GRID2IP: variants seen among roughly 807,000 people sequenced by gnomAD.
The protein encoded by GRID2IP is Grid2 interacting protein, also known as delphilin.
Under a neutral mutation model 114.3 loss-of-function variants are expected in GRID2IP, and 78 were observed. The observed-to-expected ratio is 0.68, with a 90% CI of 0.57 to 0.82. The LOEUF is 0.82. GRID2IP is among the 40% of genes least tolerant of loss of function. GRID2IP has a pLI of 0.00. For synonymous variants in GRID2IP, 809 were observed against 724.0 expected (o/e 1.12, Z -1.89); for missense variants, 1,727 against 1,678.5 (o/e 1.03, Z -0.51).
At chr7:6,525,782 C>T (rs1779498468) in intron 4 of GRID2IP, among the ~76,000 whole-genome samples, 1 of 152,184 alleles carries the variant, frequency 6.6e-6, no homozygotes, top group South Asian at 2.1e-4. Context: ...TGAGTCTGGC[C>T]TGCCAGGCAA....
chr7:6,529,518 G>A (rs1294873322), intron 2 of GRID2IP, among the ~76,000 whole-genome samples: 2 of 152,248 alleles, frequency 1.3e-5, no homozygotes, highest in African/African-American at 4.8e-5. Flanking sequence ...GATGGAAGAA[G>A]GTTGGGCAGC....
chr7:6,503,474 G>C lies in GRID2IP; in HGVS notation c.2907+17C>G. 1 of 1,513,488 alleles carries C rather than the reference G, an allele frequency of 6.6e-7. No homozygotes were observed. Among genetic ancestry groups the C allele is most frequent in the Admixed American group, 2.1e-5 (1 of 48,052 alleles). 93.8% of individuals were successfully genotyped at this position (1,513,488 alleles called of 1,614,324 possible). ...GGAGCCGGCCGAGGCCTCGGGGCGG[G>C]GTTGTGGTCGCGGCACCTGCAGGAC... On this transcript the variant is annotated intron_variant, in intron 16 of 21. Coordinates refer to ENST00000457091, the MANE Select transcript of GRID2IP (RefSeq NM_001145118.2).
At chr7:6,497,929 GC>G in intron 21 of GRID2IP, 84 bp from the exon 22 acceptor site, 1 of 1,400,852 alleles carries the variant, frequency 7.1e-7, no homozygotes, top group Non-Finnish European at 9.7e-7. Context: ...ACACTAGACA[GC>G]CCATCAGGGG....
chr7:6,519,672 G>A lies in GRID2IP; in HGVS notation c.1268+906C>T, dbSNP rs1205639063. 6.6e-6 allele frequency among the ~76,000 whole-genome samples: 1 copy of A among 151,444 alleles called. No homozygotes were observed. Among genetic ancestry groups the A allele is most frequent in the African/African-American group, 2.4e-5 (1 of 41,204 alleles). ...CTTGGGAGGCTGAGGCAGGAGAATCGCTTGAGTCCGGGAGGTGGGGGTTGC... is the reference window on the plus strand; with the variant it reads ...CTTGGGAGGCTGAGGCAGGAGAATCACTTGAGTCCGGGAGGTGGGGGTTGC... On this transcript the variant is annotated intron_variant, in intron 7 of 21. Coordinates refer to ENST00000457091, the MANE Select transcript of GRID2IP (RefSeq NM_001145118.2). This position sits in a 1 kb window ranked among gnomAD's most constrained non-coding sequence, Gnocchi z 4.1.
chr7:6,520,357 C>T lies in GRID2IP; in HGVS notation c.1268+221G>A, dbSNP rs1273044065. 1.3e-5 allele frequency among the ~76,000 whole-genome samples: 2 copies of T among 152,110 alleles called. No homozygotes were observed. The highest frequency in any genetic ancestry group is 2.9e-5 in the Non-Finnish European group (2 of 68,012). ...TCACTTCACAGAGAAGGCTGAGACT[C>T]GCCCAAGGTCACGTGACTAGGAGGT... is the stretch of plus-strand genomic sequence containing the variant. On this transcript the variant is annotated intron_variant, in intron 7 of 21. Transcript: ENST00000457091. This position sits in a 1 kb window ranked among gnomAD's most constrained non-coding sequence, Gnocchi z 4.6.
chr7:6,543,953 C>T (rs578057182), intron 1 of GRID2IP, among the ~76,000 whole-genome samples: 47 of 152,076 alleles, frequency 3.1e-4, no homozygotes, highest in African/African-American at 9.2e-4. Context: ...AATGCCACCA[C>T]GCCCGGCTCA....
chr7:6,508,919 G>T lies in GRID2IP; in HGVS notation c.2127+39C>A. ...GTTGCCTTGCAGACCGCCACACCTC[G>T]CCTCACCCGCCTCCCTCCACACCTG... On this transcript the variant is annotated intron_variant, in intron 12 of 21. Transcript: ENST00000457091. The surrounding 1 kb of genome is among the most constrained non-coding windows in gnomAD (Gnocchi z 5.6). The T allele has an allele frequency of 1.3e-6, 2 of 1,525,308 alleles. No homozygotes were observed. The highest frequency in any genetic ancestry group is 1.8e-6 in the Non-Finnish European group (2 of 1,139,514). The allele number at this position is 1,525,308 out of a possible 1,614,324, so 94.5% of individuals were successfully genotyped here.
intron 1 of GRID2IP, among the ~76,000 whole-genome samples, chr7:6,548,732 C>T (rs1238890837): frequency 5.3e-5 from 8 of 151,506 alleles, no homozygotes; most frequent in Admixed American, 4.0e-4. Flanking sequence ...ATCCCAGCTA[C>T]GCGGGAGGCT....
At chr7:6,497,929 G>T in intron 21 of GRID2IP, 84 bp from the exon 22 acceptor site, 1 of 1,400,850 alleles carries the variant, frequency 7.1e-7, no homozygotes, top group Non-Finnish European at 9.7e-7. Context: ...ACACTAGACA[G>T]CCCATCAGGG....
intron 1 of GRID2IP, among the ~76,000 whole-genome samples, chr7:6,545,228 A>C (rs983150734): frequency 1.3e-5 from 2 of 152,060 alleles, no homozygotes; most frequent in Non-Finnish European, 2.9e-5. Context: ...GCAGTAAGCC[A>C]TGATCACACC....
rs1347961107 is a variant in GRID2IP at position 6,528,993 on chromosome 7, A to G, written c.585-2224T>C. Among the ~76,000 whole-genome samples the G allele has an allele frequency of 9.2e-5, 14 of 152,018 alleles. No homozygotes were observed. The highest frequency in any genetic ancestry group is 2.9e-5 in the Non-Finnish European group (2 of 67,992). ...TAGCGCCTCCCAGACCTCAAGCCTC[A>G]TGTCCAGGCAAAGGAGAGAAGACAC... On this transcript the variant is annotated intron_variant, in intron 2 of 21. Transcript: ENST00000457091. This position sits in a 1 kb window ranked among gnomAD's most constrained non-coding sequence, Gnocchi z 6.0.
chr7:6,550,932 G>A, intron 1 of GRID2IP, 76 bp downstream of exon 1: 1 of 1,191,846 alleles, frequency 8.4e-7, no homozygotes. Flanking sequence ...CCCTGGGAGA[G>A]CGGCGCCCGG....
intron 7 of GRID2IP, among the ~76,000 whole-genome samples, chr7:6,514,758 C>G (rs1779260198): frequency 6.6e-6 from 1 of 151,534 alleles, no homozygotes; most frequent in African/African-American, 2.4e-5. Context: ...TCGAGACCAG[C>G]CCAGCCAACA....
Position 6,532,976 on chromosome 7 carries a change from C to T in GRID2IP, c.585-6207G>A, listed in dbSNP as rs561152032. The stretch of plus-strand genomic sequence containing the variant: ...TGATCACCAGGGGACAGGCAACAGC[C>T]GGACTTCCCTGAAGTGTCTGCTCCA... On this transcript the variant is annotated intron_variant, in intron 2 of 21. Coordinates refer to ENST00000457091, the MANE Select transcript of GRID2IP (RefSeq NM_001145118.2). This position sits in a 1 kb window ranked among gnomAD's most constrained non-coding sequence, Gnocchi z 4.4. Among the ~76,000 whole-genome samples the T allele has an allele frequency of 1.2e-4, 18 of 152,324 alleles. No individual in the cohort carries two copies. Among genetic ancestry groups the T allele is most frequent in the African/African-American group, 3.6e-4 (15 of 41,570 alleles).
At chr7:6,540,510 AT>A (rs1779798940) in intron 1 of GRID2IP, among the ~76,000 whole-genome samples, 2 of 150,874 alleles carry the variant, frequency 1.3e-5, no homozygotes, top group African/African-American at 4.9e-5. Context: ...TTAATTTTTA[AT>A]TTATTGTTAT....
In GRID2IP at chr7:6,506,607, G is replaced by A. The variant is rs943468653; in HGVS notation, c.2545-700C>T. 7.2e-5 allele frequency among the ~76,000 whole-genome samples: 11 copies of A among 152,036 alleles called. No individual in the cohort carries two copies. Among genetic ancestry groups the A allele is most frequent in the Admixed American group, 2.0e-4 (3 of 15,252 alleles). Reference sequence around the variant, plus strand: ...CGCTGTGGAGCAATACTTGAAGATCGGTCCAAGGCTGGCAGGAGTGAGGTC... The same window carrying A: ...CGCTGTGGAGCAATACTTGAAGATCAGTCCAAGGCTGGCAGGAGTGAGGTC... On this transcript the variant is annotated intron_variant, in intron 13 of 21. Coordinates refer to ENST00000457091, the MANE Select transcript of GRID2IP (RefSeq NM_001145118.2). This position sits in a 1 kb window ranked among gnomAD's most constrained non-coding sequence, Gnocchi z 5.2.
chr7:6,545,100 GA>G (rs1779867749), intron 1 of GRID2IP, among the ~76,000 whole-genome samples: 1 of 151,732 alleles, frequency 6.6e-6, no homozygotes. Context: ...AGAAAAAAAA[GA>G]AAGAAAAGAA....
Position 6,508,078 on chromosome 7 carries a change from GC to G in GRID2IP, c.2450del (p.Gly817AlafsTer12). The G allele has an allele frequency of 1.5e-6, 2 of 1,314,466 alleles. No individual in the cohort carries two copies. The allele number at this position is 1,314,466 out of a possible 1,614,324, so 81.4% of individuals were successfully genotyped here. A position where few individuals can be genotyped will look rare whatever the true frequency, so the allele number is the denominator to read the frequency against. Reference sequence around the variant, plus strand: ...TGGTCTCACTGCGCCGGTGGCCCAGGCCCCGGGACAGCATGGGGGGTGCACA... The same window carrying G: ...TGGTCTCACTGCGCCGGTGGCCCAGGCCCGGGACAGCATGGGGGGTGCACA... ...VPCAPPMLSR[G>X]LGHRRSETSH... On this transcript the variant is annotated frameshift_variant, in exon 13 of 22. Transcript: ENST00000457091. LOFTEE classifies it high-confidence loss of function. This position sits in a 1 kb window ranked among gnomAD's most constrained non-coding sequence, Gnocchi z 5.6.
At chr7:6,550,985 C>CAA in intron 1 of GRID2IP, 23 bp downstream of exon 1, 2 of 1,201,054 alleles carry the variant, frequency 1.7e-6, no homozygotes, top group Non-Finnish European at 2.1e-6. Flanking sequence ...TTCCCGCCCC[C>CAA]ACCTCCCACC....
Sources: allele counts gnomAD v4.1 joint callset (sites outside exome capture counted in the v4.1 genomes callset), GRCh38; gene constraint gnomAD v4.1.1; non-coding constraint Gnocchi (gnomAD v3.1); transcripts MANE v1.5; gene names NCBI Gene and HGNC (gene_info 2026-07-23, HGNC 2026-07-21).